The following GAD1 variants were observed in gnomAD, a reference collection of about 807,000 sequenced individuals.
GAD1 encodes the protein glutamate decarboxylase 1.
GAD1 carries 35 observed loss-of-function variants against 75.2 expected under a neutral mutation model. The observed-to-expected ratio is 0.47, with a 90% confidence interval of 0.36 to 0.62. The LOEUF is 0.62. Among genes scored for constraint, GAD1 ranks in the 20% least tolerant of loss-of-function variants. GAD1 has a pLI of 0.00. For synonymous variants in GAD1, 257 were observed against 271.9 expected (o/e 0.95, Z 0.54); for missense variants, 490 against 758.5 (o/e 0.65, Z 4.16).
rs1701758262 is a variant in GAD1, at chr2:170,818,087, C to T, written c.-63-442C>T. The T allele has an allele frequency of 5.9e-6, 1 of 169,514 alleles. No homozygotes were observed. The highest frequency in any genetic ancestry group is 2.4e-5 in the African/African-American group (1 of 41,710). The allele number at this position is 169,514 out of a possible 1,614,324, so 10.5% of individuals were successfully genotyped here. A position where few individuals can be genotyped will look rare whatever the true frequency, so the allele number is the denominator to read the frequency against. ...CAGACATGCCCGCCCCGTGCGCCCTCCCCCCGCTGGCCCACACGCCGGCTG... is the reference window on the plus strand; with the variant it reads ...CAGACATGCCCGCCCCGTGCGCCCTTCCCCCGCTGGCCCACACGCCGGCTG... On this transcript the variant is annotated intron_variant, in intron 1 of 16. Coordinates refer to ENST00000358196, the MANE Select transcript of GAD1 (RefSeq NM_000817.3). This position sits in a 1 kb window ranked among gnomAD's most constrained non-coding sequence, Gnocchi z 5.9.
chr2:170,859,842 T>C lies in GAD1; in HGVS notation c.1745T>C (p.Phe582Ser). 1 of 1,614,192 alleles carries C rather than the reference T, an allele frequency of 6.2e-7. No individual in the cohort carries two copies. The highest frequency in any genetic ancestry group is 1.3e-5 in the African/African-American group (1 of 75,060). The change falls in exon 17 of 17, where the codon TTC becomes TCC. Residue 582 changes from phenylalanine (F) to serine (S), a missense_variant. Around this residue, in one of 3 missense-constraint regions of GAD1, gnomAD observed 324 missense variants for 523.9 expected, o/e 0.62. Transcript: ENST00000358196. ...GCCGCTACCCAGTCTGACATTGACT[T>C]CCTCATTGAGGAGATAGAAAGACTG... is the stretch of plus-strand genomic sequence containing the variant. ...NPAATQSDID[F>S]LIEEIERLGQ...
At chr2:170,852,911 T>G (rs1348800494) in intron 13 of GAD1, 119 bp downstream of exon 13, 32 of 834,730 alleles carry the variant, frequency 3.8e-5, no homozygotes, top group Non-Finnish European at 6.1e-5. Context: ...GCAGCCCCAC[T>G]GAGAGACTAC....
At chr2:170,829,245 T>C (rs1177087361) in intron 3 of GAD1, 1 of 573,194 alleles carries the variant, frequency 1.7e-6, no homozygotes, top group Non-Finnish European at 3.1e-6. Context: ...CTTCACTTAC[T>C]GTTTTTCTCT....
intron 11 of GAD1, among the ~76,000 whole-genome samples, chr2:170,848,496 CAAAAAAAAAAAA>C: frequency 1.6e-5 from 1 of 64,088 alleles, no homozygotes; most frequent in Admixed American, 1.5e-4. Context: ...AACTCTGTCT[CAAAAAAAAAAAA>C]AAAAGAAAAA....
chr2:170,854,197 TTC>T (rs1702803101), intron 14 of GAD1, among the ~76,000 whole-genome samples, 175 bp downstream of exon 14: 1 of 152,220 alleles, frequency 6.6e-6, no homozygotes, highest in African/African-American at 2.4e-5. Flanking sequence ...TTATGTCAAA[TTC>T]TCTCTCCTTT....
intron 3 of GAD1, among the ~76,000 whole-genome samples, chr2:170,823,522 G>C (rs1195523041): frequency 6.6e-6 from 1 of 152,150 alleles, no homozygotes; most frequent in Non-Finnish European, 1.5e-5. Context: ...CTGCCGCCGG[G>C]CGGCCTGGGA....
Position 170,818,653 on chromosome 2 carries a change from C to T in GAD1, c.62C>T (p.Thr21Ile), listed in dbSNP as rs1486326172. ...TCGAACGCGGGAGCGGACCCCAATACCACTAACCTGCGCCCCACAAGTAGG... is the reference window on the plus strand; with the variant it reads ...TCGAACGCGGGAGCGGACCCCAATATCACTAACCTGCGCCCCACAAGTAGG... ...TSSNAGADPN[T>I]TNLRPTTYDT... The change falls in exon 2 of 17, where the codon ACC (threonine) becomes ATC (isoleucine). Residue 21 changes from threonine to isoleucine, a missense_variant. Thr to Ile is a moderately conservative substitution (Grantham distance 89). Transcript: ENST00000358196. This position sits in a 1 kb window ranked among gnomAD's most constrained non-coding sequence, Gnocchi z 5.9. 3.1e-6 allele frequency: 5 copies of T among 1,613,986 alleles called. No individual in the cohort carries two copies. The highest frequency in any genetic ancestry group is 2.2e-5 in the South Asian group (2 of 91,070).
At chr2:170,848,507 A>G (rs1702682546) in intron 11 of GAD1, among the ~76,000 whole-genome samples, 1 of 151,980 alleles carries the variant, frequency 6.6e-6, no homozygotes, top group African/African-American at 2.4e-5. Flanking sequence ...AAAAAAAAAA[A>G]AAAAAGAAAA....
chr2:170,859,510 G>A (rs1172415087), intron 16 of GAD1, among the ~76,000 whole-genome samples, 199 bp from the exon 17 acceptor site: 1 of 151,972 alleles, frequency 6.6e-6, no homozygotes, highest in Non-Finnish European at 1.5e-5. Context: ...TTCAAAATTC[G>A]GTTGCACAGT....
At chr2:170,821,735 C>T in intron 2 of GAD1, 1 of 322,758 alleles carries the variant, frequency 3.1e-6, no homozygotes, top group Non-Finnish European at 5.9e-6. Context: ...TGTTGGGCAG[C>T]TCGATCGGAG....
At chr2:170,820,574 G>A (rs950121286) in intron 2 of GAD1, among the ~76,000 whole-genome samples, 1 of 152,224 alleles carries the variant, frequency 6.6e-6, no homozygotes, top group Admixed American at 6.5e-5. Flanking sequence ...GTTAGTGCAG[G>A]CAACCTAAGG....
intron 15 of GAD1, 115 bp from the exon 16 acceptor site, chr2:170,858,689 A>T: frequency 1.1e-6 from 1 of 874,716 alleles, no homozygotes; most frequent in Non-Finnish European, 1.9e-6. Context: ...TGAGATGAAC[A>T]TTCAACCTCT....
intron 6 of GAD1, 183 bp from the exon 7 acceptor site, chr2:170,843,862 G>A: frequency 1.7e-6 from 1 of 600,524 alleles, no homozygotes; most frequent in Admixed American, 2.6e-5. Context: ...AGTAACCCAG[G>A]CTGGTTTCTG....
upstream of GAD1, chr2:170,816,647 C>T (rs1211651033): frequency 1.3e-5 from 2 of 151,986 alleles, no homozygotes; most frequent in Admixed American, 1.3e-4. Context: ...GTGTTGAGTA[C>T]GTTCTGGATT....
In GAD1 at chr2:170,836,904, T is replaced by C. The variant is rs772251008; in HGVS notation, c.638+21T>C. ...AACATGTAAGTCTCATATGTTTTCATATAAGCAACCCTGATGTATGACTAT... is the reference window on the plus strand; with the variant it reads ...AACATGTAAGTCTCATATGTTTTCACATAAGCAACCCTGATGTATGACTAT... On this transcript the variant is annotated intron_variant, in intron 6 of 16. Coordinates refer to ENST00000358196, the MANE Select transcript of GAD1 (RefSeq NM_000817.3). The C allele has an allele frequency of 5.5e-5, 85 of 1,546,632 alleles. No homozygotes were observed. In the Admixed American group the frequency reaches 1.4e-3, roughly 26 times the overall value.
chr2:170,830,105 C>A (rs1702183306), intron 4 of GAD1, among the ~76,000 whole-genome samples: 1 of 152,198 alleles, frequency 6.6e-6, no homozygotes, highest in Non-Finnish European at 1.5e-5. Context: ...ACACTCATCT[C>A]AGGAGGTGCT....
intron 6 of GAD1, among the ~76,000 whole-genome samples, chr2:170,840,484 C>T (rs1163894750): frequency 6.6e-6 from 1 of 152,110 alleles, no homozygotes; most frequent in Non-Finnish European, 1.5e-5. Flanking sequence ...CACCAGGGAT[C>T]CAGATTTTGT....
chr2:170,838,739 T>C (rs1354077347), intron 6 of GAD1, among the ~76,000 whole-genome samples: 1 of 152,214 alleles, frequency 6.6e-6, no homozygotes, highest in African/African-American at 2.4e-5. Flanking sequence ...TTGGCATGTG[T>C]TCATAAAACC....
At chr2:170,832,681 C>T (rs1702269022) in intron 5 of GAD1, among the ~76,000 whole-genome samples, 1 of 152,076 alleles carries the variant, frequency 6.6e-6, no homozygotes, top group African/African-American at 2.4e-5. Flanking sequence ...CACACACACA[C>T]ACACACACAC....
Sources: allele counts gnomAD v4.1 joint callset (sites outside exome capture counted in the v4.1 genomes callset), GRCh38; gene constraint gnomAD v4.1.1; regional missense constraint gnomAD v4.1.1; non-coding constraint Gnocchi (gnomAD v3.1); transcripts MANE v1.5; gene names NCBI Gene and HGNC (gene_info 2026-07-23, HGNC 2026-07-21).